TTLL6: variants seen among roughly 807,000 people sequenced by gnomAD.
The protein encoded by TTLL6 is tubulin polyglutamylase TTLL6.
Under a neutral mutation model 96.4 loss-of-function variants are expected in TTLL6, and 75 were observed. That is an observed-to-expected ratio of 0.78 (90% CI 0.65 to 0.94). The LOEUF (loss-of-function observed/expected upper bound fraction) is 0.94. TTLL6 is among the 40% of genes least tolerant of loss of function. The pLI is 0.00. For synonymous variants in TTLL6, 411 were observed against 419.4 expected (o/e 0.98, Z 0.24); for missense variants, 1,030 against 1,093.0 (o/e 0.94, Z 0.81).
chr17:48,799,132 T>A (rs1391241704), intron 6 of TTLL6, among the ~76,000 whole-genome samples: 1 of 152,204 alleles, frequency 6.6e-6, no homozygotes, highest in Non-Finnish European at 1.5e-5. Context: ...AATGCATAGT[T>A]GCAGTTCTAC....
chr17:48,774,706 T>C (rs1379129377), intron 13 of TTLL6, among the ~76,000 whole-genome samples: 3 of 152,112 alleles, frequency 2.0e-5, no homozygotes, highest in Non-Finnish European at 4.4e-5. Context: ...TCATTCAAAA[T>C]AAAATAAGTT....
At chr17:48,803,055 A>G (rs932976895) in intron 3 of TTLL6, among the ~76,000 whole-genome samples, 4 of 152,050 alleles carry the variant, frequency 2.6e-5, no homozygotes, top group Non-Finnish European at 5.9e-5. Context: ...CTGTAATTCC[A>G]GCTACTCAGG....
At chr17:48,804,170 A>G (rs2039468661) in intron 2 of TTLL6, 1 of 592,558 alleles carries the variant, frequency 1.7e-6, no homozygotes, top group Non-Finnish European at 3.1e-6. Flanking sequence ...TTGCAATTAC[A>G]GCTGATCTTG....
intron 8 of TTLL6, chr17:48,794,463 C>G: frequency 2.5e-6 from 3 of 1,205,318 alleles, no homozygotes; most frequent in Non-Finnish European, 3.4e-6. Flanking sequence ...AGTGCAGGCT[C>G]AGAGAGATGA....
At chr17:48,807,252 G>A (rs535354935) in intron 1 of TTLL6, among the ~76,000 whole-genome samples, 3 of 150,962 alleles carry the variant, frequency 2.0e-5, no homozygotes, top group Non-Finnish European at 4.4e-5. Flanking sequence ...CACCACACCC[G>A]GCTAGTTTTG....
At chr17:48,764,880 C>T (rs2038565768) in intron 15 of TTLL6, among the ~76,000 whole-genome samples, 1 of 152,132 alleles carries the variant, frequency 6.6e-6, no homozygotes, top group African/African-American at 2.4e-5. Flanking sequence ...TCTGCTTGGT[C>T]TTTGTCATAT....
Position 48,769,207 on chromosome 17 carries a change from C to CA in TTLL6, c.2457dup (p.Gly820TrpfsTer20). 1 of 1,613,082 alleles carries CA rather than the reference C, an allele frequency of 6.2e-7. No individual in the cohort carries two copies. Among genetic ancestry groups the CA allele is most frequent in the East Asian group, 2.2e-5 (1 of 44,838 alleles). On this transcript the variant is annotated frameshift_variant, in exon 15 of 16. Coordinates refer to ENST00000393382, the MANE Select transcript of TTLL6 (RefSeq NM_001130918.3). LOFTEE classifies it high-confidence loss of function. ...GACACATCCAGCTGCCTCTTCTCGC[C>CA]AGAGCTGTCACTGCGGGAGTGGCAC...
chr17:48,770,150 C>T lies in TTLL6; in HGVS notation c.2041-53G>A, dbSNP rs1448030497. The T allele has an allele frequency of 2.0e-5, 30 of 1,525,148 alleles. No individual in the cohort carries two copies. In the Middle Eastern group the frequency reaches 8.2e-4, roughly 42 times the overall value. The allele number at this position is 1,525,148 out of a possible 1,614,324, so 94.5% of individuals were successfully genotyped here. A position where few individuals can be genotyped will look rare whatever the true frequency, so the allele number is the denominator to read the frequency against. On this transcript the variant is annotated intron_variant, in intron 13 of 15. Coordinates refer to ENST00000393382, the MANE Select transcript of TTLL6 (RefSeq NM_001130918.3). ...ACTGTGGAAAGCAAAGGGTTCCTTC[C>T]TATGCTATTTTTTTTTTATTTTTAT...
chr17:48,767,333 C>T (rs1487849354), intron 15 of TTLL6, among the ~76,000 whole-genome samples: 1 of 152,132 alleles, frequency 6.6e-6, no homozygotes, highest in Non-Finnish European at 1.5e-5. Flanking sequence ...TCATATGATT[C>T]CCATCATCAG....
intron 13 of TTLL6, among the ~76,000 whole-genome samples, chr17:48,784,559 C>T (rs2039051187): frequency 1.3e-5 from 2 of 152,136 alleles, no homozygotes; most frequent in Admixed American, 6.6e-5. Context: ...AAGGATCCTC[C>T]GTCTAGAGCC....
At chr17:48,794,856 G>A (rs1245378563) in intron 8 of TTLL6, among the ~76,000 whole-genome samples, 1 of 152,150 alleles carries the variant, frequency 6.6e-6, no homozygotes, top group Non-Finnish European at 1.5e-5. Context: ...GAGCTCTGGG[G>A]TCTAACAGAC....
chr17:48,781,435 A>G (rs759392672), intron 13 of TTLL6, among the ~76,000 whole-genome samples: 9 of 152,162 alleles, frequency 5.9e-5, no homozygotes, highest in Non-Finnish European at 8.8e-5. Context: ...AAAGATTCCA[A>G]TATCTCCACA....
At position 48,777,011 on chromosome 17, in the gene TTLL6, G is replaced by GACACACACACAC. The variant is rs71369215; in HGVS notation, c.2041-6926_2041-6915dup. Among the ~76,000 whole-genome samples, 793 of 141,478 alleles carry GACACACACACAC rather than the reference G, an allele frequency of 5.6e-3. 1 individual carries two copies. The highest frequency in any genetic ancestry group is 7.4e-3 in the Non-Finnish European group (481 of 65,206). 92.8% of individuals were successfully genotyped at this position (141,478 alleles called of 152,430 possible). A position where few individuals can be genotyped will look rare whatever the true frequency, so the allele number is the denominator to read the frequency against. On this transcript the variant is annotated intron_variant, in intron 13 of 15. Coordinates refer to ENST00000393382, the MANE Select transcript of TTLL6 (RefSeq NM_001130918.3). Reference sequence around the variant, plus strand: ...ACAATGTGGTATTGGCATAAGGATAGACACACACACACACACACACACACA... The same window carrying GACACACACACAC: ...ACAATGTGGTATTGGCATAAGGATAGACACACACACACACACACACACACACACACACACACA...
intron 11 of TTLL6, among the ~76,000 whole-genome samples, chr17:48,787,259 G>C (rs2039118362): frequency 6.6e-6 from 1 of 152,236 alleles, no homozygotes; most frequent in Admixed American, 6.5e-5. Flanking sequence ...GTGAATCCAT[G>C]AGGCAGCTTT....
chr17:48,766,931 GTTGTTTTGTTTTGTT>G (rs10606369), intron 15 of TTLL6, among the ~76,000 whole-genome samples: 192 of 151,106 alleles, frequency 1.3e-3, no homozygotes, highest in African/African-American at 4.2e-3. Flanking sequence ...TTTTGTTGTT[GTTGTTTTGTTTTGTT>G]TTGTTTTGTT....
In TTLL6 at chr17:48,769,451, T is replaced by C. The variant is rs572898272; in HGVS notation, c.2411-197A>G. Among the ~76,000 whole-genome samples the C allele has an allele frequency of 5.9e-5, 9 of 152,364 alleles. No homozygotes were observed. In the South Asian group the frequency reaches 1.4e-3, roughly 25 times the overall value. Reference sequence around the variant, plus strand: ...TTTCATACTTAACATCAGTAACTGGTGCAGCCTCAGCTGAATGAGCCTCAT... The same window carrying C: ...TTTCATACTTAACATCAGTAACTGGCGCAGCCTCAGCTGAATGAGCCTCAT... On this transcript the variant is annotated intron_variant, in intron 14 of 15. Coordinates refer to ENST00000393382, the MANE Select transcript of TTLL6 (RefSeq NM_001130918.3).
At chr17:48,764,593 G>C (rs1370813578) in intron 15 of TTLL6, among the ~76,000 whole-genome samples, 1 of 152,128 alleles carries the variant, frequency 6.6e-6, no homozygotes, top group Non-Finnish European at 1.5e-5. Flanking sequence ...CCTCCATTGA[G>C]GCCTCTGCTT....
chr17:48,776,419 C>A (rs190919438), intron 13 of TTLL6, among the ~76,000 whole-genome samples: 353 of 152,282 alleles, frequency 2.3e-3, no homozygotes, highest in African/African-American at 8.3e-3. Context: ...CGAGATCGTG[C>A]CACTGCACTC....
intron 7 of TTLL6, 51 bp from the exon 8 acceptor site, chr17:48,796,197 C>T: frequency 2.8e-6 from 4 of 1,430,254 alleles, no homozygotes; most frequent in Non-Finnish European, 3.9e-6. Context: ...GGCAGGCCCC[C>T]TGCTTCCTCT....
Sources: allele counts gnomAD v4.1 joint callset (sites outside exome capture counted in the v4.1 genomes callset), GRCh38; gene constraint gnomAD v4.1.1; transcripts MANE v1.5; gene names NCBI Gene and HGNC (gene_info 2026-07-23, HGNC 2026-07-21).